The following ECHDC3 variants were observed in gnomAD, a reference collection of about 807,000 sequenced individuals.
The protein encoded by ECHDC3 is enoyl-CoA hydratase domain containing 3.
In ECHDC3, 20 loss-of-function variants were observed where a neutral mutation model predicts 17.9. The observed-to-expected ratio is 1.12, with a 90% CI of 0.79 to 1.63. The LOEUF (loss-of-function observed/expected upper bound fraction) is 1.63. Ranked by LOEUF, ECHDC3 falls within the 40% of genes most tolerant of loss-of-function variation. ECHDC3 has a pLI of 0.00. For synonymous variants in ECHDC3, 177 were observed against 149.7 expected, an observed-to-expected ratio of 1.18 and a Z score of -1.33; for missense variants, 407 against 357.7, an observed-to-expected ratio of 1.14 and a Z score of -1.11.
chr10:11,758,260 A>G (rs1203730967), intron 4 of ECHDC3, among the ~76,000 whole-genome samples: 1 of 152,190 alleles, frequency 6.6e-6, no homozygotes, highest in Non-Finnish European at 1.5e-5. Flanking sequence ...TAAATAATGC[A>G]TCTTTCTGGC....
At chr10:11,751,721 A>G (rs1014977017) in intron 3 of ECHDC3, among the ~76,000 whole-genome samples, 1 of 152,220 alleles carries the variant, frequency 6.6e-6, no homozygotes, top group Non-Finnish European at 1.5e-5. Context: ...TGGCTCTGGA[A>G]GAGTGAAAAT....
chr10:11,755,056 C>CA (rs1212780773), intron 3 of ECHDC3, among the ~76,000 whole-genome samples: 1 of 152,208 alleles, frequency 6.6e-6, no homozygotes, highest in Non-Finnish European at 1.5e-5. Context: ...CGTGGTGGCT[C>CA]ACGCCTGTAA....
intron 4 of ECHDC3, among the ~76,000 whole-genome samples, chr10:11,757,320 C>T (rs993975171): frequency 2.0e-5 from 3 of 152,074 alleles, no homozygotes; most frequent in South Asian, 2.1e-4. Context: ...AGAAACTTAA[C>T]GCTAGACCAT....
In ECHDC3 at chr10:11,763,095, C is replaced by T; in HGVS notation, c.592-129C>T. 3.3e-6 allele frequency: 2 copies of T among 611,154 alleles called. No homozygotes were observed. The highest frequency in any genetic ancestry group is 5.9e-6 in the Non-Finnish European group (2 of 340,010). The allele number at this position is 611,154 out of a possible 1,614,324, so 37.9% of individuals were successfully genotyped here. A position where few individuals can be genotyped will look rare whatever the true frequency, so the allele number is the denominator to read the frequency against. On this transcript the variant is annotated intron_variant, in intron 4 of 4. Transcript: ENST00000379215. The surrounding 1 kb of genome is among the most constrained non-coding windows in gnomAD (Gnocchi z 4.9). ...CTCTCCTCCCGGGCAGGAGTTAGGG[C>T]ACTGAAGACGTCAGGGCTGGCGGAT...
At chr10:11,749,026 T>G (rs1190692950) in intron 2 of ECHDC3, among the ~76,000 whole-genome samples, 1 of 152,202 alleles carries the variant, frequency 6.6e-6, no homozygotes, top group Non-Finnish European at 1.5e-5. Flanking sequence ...ACCAGAAGGC[T>G]TCCGAGGTCT....
At chr10:11,762,734 T>C (rs12257921) in intron 4 of ECHDC3, among the ~76,000 whole-genome samples, 92,198 of 151,996 alleles carry the variant, frequency 0.61, 28,314 homozygotes, top group Middle Eastern at 0.66. Flanking sequence ...CCCAAAGACA[T>C]TGTCTGTAAA....
intron 1 of ECHDC3, among the ~76,000 whole-genome samples, chr10:11,743,104 G>T (rs764708365): frequency 2.6e-5 from 4 of 152,214 alleles, no homozygotes; most frequent in Non-Finnish European, 4.4e-5. Context: ...CGGGGCTGGG[G>T]GCCAGGACAG....
intron 4 of ECHDC3, among the ~76,000 whole-genome samples, chr10:11,761,709 A>T (rs1387519265): frequency 6.6e-6 from 1 of 152,180 alleles, no homozygotes; most frequent in African/African-American, 2.4e-5. Context: ...GGGCTTCCTC[A>T]CAGCATGGAG....
chr10:11,746,891 A>G (rs1408587326), intron 1 of ECHDC3, among the ~76,000 whole-genome samples: 2 of 152,128 alleles, frequency 1.3e-5, no homozygotes, highest in Non-Finnish European at 2.9e-5. Context: ...GCCGAGATCT[A>G]TAGAGGGAGT....
Position 11,755,473 on chromosome 10 carries a change from T to C in ECHDC3, c.456T>C (p.Ala152=). 1 of 1,614,076 alleles carries C rather than the reference T, an allele frequency of 6.2e-7. No individual in the cohort carries two copies. The highest frequency in any genetic ancestry group is 8.5e-7 in the Non-Finnish European group (1 of 1,179,974). Residue 152 remains alanine (A), a synonymous_variant, in exon 4 of 5, where the codon GCT becomes GCC. Coordinates refer to ENST00000379215, the MANE Select transcript of ECHDC3 (RefSeq NM_024693.5). The stretch of plus-strand genomic sequence containing the variant: ...CCATGGTCAATGGCCTGGCCGCGGC[T>C]GCCGGCTGTCAACTGGTTGCCAGCT... ...VIAMVNGLAA[A]AGCQLVASCD...
At chr10:11,762,485 T>C (rs1832964738) in intron 4 of ECHDC3, among the ~76,000 whole-genome samples, 1 of 152,230 alleles carries the variant, frequency 6.6e-6, no homozygotes. Flanking sequence ...GACCCCTCTT[T>C]TCCATTTTAA....
chr10:11,756,114 G>A (rs749414201), intron 4 of ECHDC3, among the ~76,000 whole-genome samples: 2 of 152,322 alleles, frequency 1.3e-5, no homozygotes, highest in South Asian at 4.1e-4. Context: ...TCTGGAGTGT[G>A]TTGGGTTTAC....
chr10:11,756,118 G>T (rs1832884481), intron 4 of ECHDC3, among the ~76,000 whole-genome samples: 1 of 152,176 alleles, frequency 6.6e-6, no homozygotes, highest in African/African-American at 2.4e-5. Flanking sequence ...GAGTGTGTTG[G>T]GTTTACAACG....
At position 11,749,535 on chromosome 10, in the gene ECHDC3, G is replaced by A. The variant is rs1197474911; in HGVS notation, c.333G>A (p.Glu111=). 1 of 1,614,146 alleles carries A rather than the reference G, an allele frequency of 6.2e-7. No homozygotes were observed. The highest frequency in any genetic ancestry group is 1.1e-5 in the South Asian group (1 of 91,084). ...TTTCTTCTGGGCATGACTTAAAGGA[G>A]CTGACAGAGGAGCAAGGCCGTGATT... ...PVFSSGHDLK[E]LTEEQGRDYH... is the part of the protein sequence containing the mutation. Residue 111 remains glutamate, a synonymous_variant, in exon 3 of 5, where the codon GAG becomes GAA. Coordinates refer to ENST00000379215, the MANE Select transcript of ECHDC3 (RefSeq NM_024693.5).
rs747805459 is a variant in ECHDC3, at chr10:11,755,469, C to T, written c.452C>T (p.Ala151Val). ...PVIAMVNGLAAAAGCQLVASC... is the reference protein window; with the variant it reads ...PVIAMVNGLAVAAGCQLVASC... ...ATTGCCATGGTCAATGGCCTGGCCG[C>T]GGCTGCCGGCTGTCAACTGGTTGCC... The change falls in exon 4 of 5, where the codon GCG becomes GTG. Residue 151 changes from alanine to valine, a missense_variant. Coordinates refer to ENST00000379215, the MANE Select transcript of ECHDC3 (RefSeq NM_024693.5). 17 of 1,613,886 alleles carry T rather than the reference C, an allele frequency of 1.1e-5. No individual in the cohort carries two copies. Among genetic ancestry groups the T allele is most frequent in the South Asian group, 7.7e-5 (7 of 91,072 alleles).
intron 3 of ECHDC3, among the ~76,000 whole-genome samples, chr10:11,754,574 A>G (rs1364629579): frequency 6.6e-6 from 1 of 151,938 alleles, no homozygotes; most frequent in Admixed American, 6.6e-5. Context: ...GTAATTGGAG[A>G]AGTAATTATT....
In ECHDC3 at chr10:11,763,826, G is replaced by T; in HGVS notation, c.*282G>T. The T allele has an allele frequency of 9.4e-7, 1 of 1,058,234 alleles. No individual in the cohort carries two copies. The highest frequency in any genetic ancestry group is 1.1e-6 in the Non-Finnish European group (1 of 891,088). 65.6% of individuals were successfully genotyped at this position (1,058,234 alleles called of 1,614,324 possible). ...TGGGGTGCTCCTTGCAACGTCTTAA[G>T]CAAGCGACCCCCCGACATAGCAAAA... On this transcript the variant is annotated 3_prime_UTR_variant, in exon 5 of 5. Transcript: ENST00000379215. This position sits in a 1 kb window ranked among gnomAD's most constrained non-coding sequence, Gnocchi z 4.9.
At position 11,763,320 on chromosome 10, in the gene ECHDC3, CAGG is replaced by C. The variant is rs1225154582; in HGVS notation, c.694_696del (p.Glu232del). ...CAAGGTGGTGCCAGAGGCGGAGCTGCAGGAGGAGACCATGCGGATCGCTAGGAA... is the reference window on the plus strand; with the variant it reads ...CAAGGTGGTGCCAGAGGCGGAGCTGCAGGAGACCATGCGGATCGCTAGGAA... On this transcript the variant is annotated inframe_deletion, in exon 5 of 5. Transcript: ENST00000379215. The surrounding 1 kb of genome is among the most constrained non-coding windows in gnomAD (Gnocchi z 4.9). 7 of 780,094 alleles carry C rather than the reference CAGG, an allele frequency of 9.0e-6. No homozygotes were observed. The highest frequency in any genetic ancestry group is 7.3e-5 in the East Asian group (3 of 41,230). 48.3% of individuals were successfully genotyped at this position (780,094 alleles called of 1,614,324 possible).
chr10:11,756,460 T>C (rs1832887725), intron 4 of ECHDC3, among the ~76,000 whole-genome samples: 1 of 152,220 alleles, frequency 6.6e-6, no homozygotes, highest in Admixed American at 6.5e-5. Context: ...CAGCAATTGC[T>C]CACATGCCTA....
Sources: gnomAD v4.1 joint callset for allele counts (sites outside exome capture counted in the v4.1 genomes callset) on GRCh38, gnomAD v4.1.1 for gene constraint, Gnocchi (gnomAD v3.1) non-coding constraint, MANE v1.5 for transcripts, NCBI Gene and HGNC (gene_info 2026-07-23, HGNC 2026-07-21) for gene names.